TOP1: variants seen among roughly 807,000 people sequenced by gnomAD.
TOP1 encodes the protein DNA topoisomerase 1.
In TOP1, 10 loss-of-function variants were observed where a neutral mutation model predicts 111.1. The ratio of observed to expected loss-of-function variants is 0.09; its 90% confidence interval spans 0.06 to 0.15. TOP1 has a LOEUF of 0.15. TOP1 is among the 10% of genes least tolerant of loss of function. The probability of loss-of-function intolerance (pLI) is 1.00; values close to 1 mark genes in which losing one functional copy is unlikely to be tolerated. For synonymous variants in TOP1, 271 were observed against 302.9 expected, an observed-to-expected ratio of 0.89 and a Z score of 1.10; for missense variants, 474 against 926.7, an observed-to-expected ratio of 0.51 and a Z score of 6.34.
At position 41,092,625 on chromosome 20, in the gene TOP1, A is replaced by G. The variant is rs746412736; in HGVS notation, c.730+38A>G. The G allele has an allele frequency of 2.0e-6, 2 of 1,000,032 alleles. No individual in the cohort carries two copies. Among genetic ancestry groups the G allele is most frequent in the East Asian group, 2.4e-5 (1 of 41,132 alleles). The allele number at this position is 1,000,032 out of a possible 1,614,324, so 61.9% of individuals were successfully genotyped here. On this transcript the variant is annotated intron_variant, in intron 9 of 20. Coordinates refer to ENST00000361337, the MANE Select transcript of TOP1 (RefSeq NM_003286.4). The surrounding 1 kb of genome is among the most constrained non-coding windows in gnomAD (Gnocchi z 4.3). ...AAGGTTCTTGATTCTTGGCCAGGAA[A>G]AGAAATCTGCTTCTATTTAGGGATA...
In TOP1 at chr20:41,121,602, A is replaced by G; in HGVS notation, c.1951-94A>G. ...TTTATCTGACAAACCACTGACAGAG[A>G]CAGCCTGGTCCAGATAACATCTTGG... On this transcript the variant is annotated intron_variant, in intron 18 of 20. Coordinates refer to ENST00000361337, the MANE Select transcript of TOP1 (RefSeq NM_003286.4). The surrounding 1 kb of genome is among the most constrained non-coding windows in gnomAD (Gnocchi z 4.2). The G allele has an allele frequency of 1.1e-6, 1 of 951,354 alleles. No homozygotes were observed. Among genetic ancestry groups the G allele is most frequent in the Non-Finnish European group, 1.7e-6 (1 of 589,048 alleles). The allele number at this position is 951,354 out of a possible 1,614,324, so 58.9% of individuals were successfully genotyped here. A position where few individuals can be genotyped will look rare whatever the true frequency, so the allele number is the denominator to read the frequency against.
chr20:41,066,178 G>T (rs562786037), intron 3 of TOP1, among the ~76,000 whole-genome samples: 85 of 151,642 alleles, frequency 5.6e-4, no homozygotes, highest in African/African-American at 2.0e-3. Flanking sequence ...TGGGAGGAAA[G>T]ATACAGTAAA....
chr20:41,044,014 C>G (rs530323072), intron 2 of TOP1, among the ~76,000 whole-genome samples: 1 of 152,192 alleles, frequency 6.6e-6, no homozygotes, highest in African/African-American at 2.4e-5. Context: ...TGGTGGCTCA[C>G]GCCTGTAATC....
chr20:41,034,871 T>C lies in TOP1; in HGVS notation c.58+5416T>C, dbSNP rs2033164980. Among the ~76,000 whole-genome samples the C allele has an allele frequency of 6.6e-6, 1 of 152,162 alleles. No individual in the cohort carries two copies. Among genetic ancestry groups the C allele is most frequent in the African/African-American group, 2.4e-5 (1 of 41,446 alleles). On this transcript the variant is annotated intron_variant, in intron 2 of 20. Transcript: ENST00000361337. This position sits in a 1 kb window ranked among gnomAD's most constrained non-coding sequence, Gnocchi z 4.0. ...AAGGTAGGCAACTTTTAATTTTAAC[T>C]TCTTTCCTTTACTTTTTTTTTGGGC...
At position 41,071,559 on chromosome 20, in the gene TOP1, G is replaced by C. The variant is rs934227794; in HGVS notation, c.156-4612G>C. Among the ~76,000 whole-genome samples, 1 of 151,788 alleles carries C rather than the reference G, an allele frequency of 6.6e-6. No homozygotes were observed. Among genetic ancestry groups the C allele is most frequent in the Non-Finnish European group, 1.5e-5 (1 of 67,954 alleles). ...GGGGTTTCACTGTGTTGCCCAGGCT[G>C]GTCTCGAACTCCTGACCTCAGGTGA... On this transcript the variant is annotated intron_variant, in intron 3 of 20. Coordinates refer to ENST00000361337, the MANE Select transcript of TOP1 (RefSeq NM_003286.4). This position sits in a 1 kb window ranked among gnomAD's most constrained non-coding sequence, Gnocchi z 4.3.
At position 41,071,351 on chromosome 20, in the gene TOP1, T is replaced by A. The variant is rs1280032807; in HGVS notation, c.156-4820T>A. 5.5e-5 allele frequency among the ~76,000 whole-genome samples: 8 copies of A among 144,168 alleles called. No individual in the cohort carries two copies. In the East Asian group the frequency reaches 6.0e-4, roughly 11 times the overall value. The allele number at this position is 144,168 out of a possible 152,430, so 94.6% of individuals were successfully genotyped here. On this transcript the variant is annotated intron_variant, in intron 3 of 20. Coordinates refer to ENST00000361337, the MANE Select transcript of TOP1 (RefSeq NM_003286.4). The surrounding 1 kb of genome is among the most constrained non-coding windows in gnomAD (Gnocchi z 4.3). ...TATTTTTTTCTTTCCTTTTTTTAAA[T>A]TTTTTTTTTTTTGAGATGGAGCCTC...
intron 4 of TOP1, among the ~76,000 whole-genome samples, chr20:41,077,117 A>G (rs1040990502): frequency 6.6e-6 from 1 of 152,186 alleles, no homozygotes; most frequent in Non-Finnish European, 1.5e-5. Flanking sequence ...TGGGGGTCTC[A>G]CTGTGTTGGC....
intron 2 of TOP1, among the ~76,000 whole-genome samples, chr20:41,043,678 G>A (rs1238023480): frequency 6.6e-6 from 1 of 152,220 alleles, no homozygotes; most frequent in Admixed American, 6.5e-5. Context: ...TATGGTCTTA[G>A]TGTGTTTGGA....
intron 9 of TOP1, among the ~76,000 whole-genome samples, chr20:41,096,807 T>TC (rs2033989405): frequency 6.6e-6 from 1 of 152,142 alleles, no homozygotes; most frequent in Non-Finnish European, 1.5e-5. Context: ...CCCTATCCCT[T>TC]CCTCCCCTTC....
intron 8 of TOP1, among the ~76,000 whole-genome samples, chr20:41,089,678 T>A (rs2033895019): frequency 6.6e-6 from 1 of 152,238 alleles, no homozygotes; most frequent in South Asian, 2.1e-4. Context: ...CTGGGTCATG[T>A]GGCATTTCTG....
Position 41,029,127 on chromosome 20 carries a change from C to T in TOP1, c.33+27C>T. 1 of 1,471,664 alleles carries T rather than the reference C, an allele frequency of 6.8e-7. No homozygotes were observed. 91.2% of individuals were successfully genotyped at this position (1,471,664 alleles called of 1,614,324 possible). A position where few individuals can be genotyped will look rare whatever the true frequency, so the allele number is the denominator to read the frequency against. On this transcript the variant is annotated intron_variant, in intron 1 of 20. Coordinates refer to ENST00000361337, the MANE Select transcript of TOP1 (RefSeq NM_003286.4). This position sits in a 1 kb window ranked among gnomAD's most constrained non-coding sequence, Gnocchi z 6.1. ...TACGGCCCGGCCTGACCCTGGCGGC[C>T]CCGGACCCCGGCCTGGCCGTCCCGC...
intron 3 of TOP1, among the ~76,000 whole-genome samples, chr20:41,068,951 A>G (rs977642698): frequency 6.6e-6 from 1 of 152,234 alleles, no homozygotes; most frequent in Non-Finnish European, 1.5e-5. Flanking sequence ...ATCTCTTGCC[A>G]ATTTTAAACC....
chr20:41,109,952 G>A lies in TOP1; in HGVS notation c.1309-2830G>A, dbSNP rs1291436859. The stretch of plus-strand genomic sequence containing the variant: ...ACTATATTTATCAGCAGTTAAGAAG[G>A]GAACTACTTATGTATTCAACAACAT... On this transcript the variant is annotated intron_variant, in intron 13 of 20. Transcript: ENST00000361337. This position sits in a 1 kb window ranked among gnomAD's most constrained non-coding sequence, Gnocchi z 4.1. Among the ~76,000 whole-genome samples, 1 of 152,168 alleles carries A rather than the reference G, an allele frequency of 6.6e-6. No homozygotes were observed. The highest frequency in any genetic ancestry group is 2.4e-5 in the African/African-American group (1 of 41,426).
Position 41,060,114 on chromosome 20 carries a change from A to G in TOP1, c.59-1280A>G, listed in dbSNP as rs575584937. ...ATGGTACAATTTGGCAATTTCCTGT[A>G]AAGTTAAACATACATTTTTTATATT... is the stretch of plus-strand genomic sequence containing the variant. On this transcript the variant is annotated intron_variant, in intron 2 of 20. Transcript: ENST00000361337. 7.4e-4 allele frequency among the ~76,000 whole-genome samples: 113 copies of G among 152,388 alleles called. 2 individuals are homozygous for G. Among genetic ancestry groups the G allele is most frequent in the African/African-American group, 2.7e-3 (111 of 41,588 alleles).
rs140267743 is a variant in TOP1 at position 41,094,128 on chromosome 20, G to A, written c.730+1541G>A. On this transcript the variant is annotated intron_variant, in intron 9 of 20. Transcript: ENST00000361337. This position sits in a 1 kb window ranked among gnomAD's most constrained non-coding sequence, Gnocchi z 4.4. ...TGTGGTCAGACACCAAGACCCAGCA[G>A]TGGATAGTACTACTGACTTAGACCC... Among the ~76,000 whole-genome samples the A allele has an allele frequency of 3.4e-3, 525 of 152,264 alleles. 13 individuals are homozygous for A. The East Asian group carries it at 0.057, about 17-fold the overall frequency.
rs1041281734 is a variant in TOP1 at position 41,101,772 on chromosome 20, T to C, written c.1308+419T>C. 6.6e-6 allele frequency among the ~76,000 whole-genome samples: 1 copy of C among 152,254 alleles called. No individual in the cohort carries two copies. The highest frequency in any genetic ancestry group is 1.5e-5 in the Non-Finnish European group (1 of 68,050). On this transcript the variant is annotated intron_variant, in intron 13 of 20. Transcript: ENST00000361337. This position sits in a 1 kb window ranked among gnomAD's most constrained non-coding sequence, Gnocchi z 4.1. ...TTGGTTATGAGAAGGGAATGTAGTT[T>C]CTGTATATCCTGAAACAAGTTGTAA...
At position 41,100,031 on chromosome 20, in the gene TOP1, T is replaced by C; in HGVS notation, c.976-25T>C. On this transcript the variant is annotated intron_variant, in intron 11 of 20. Coordinates refer to ENST00000361337, the MANE Select transcript of TOP1 (RefSeq NM_003286.4). The surrounding 1 kb of genome is among the most constrained non-coding windows in gnomAD (Gnocchi z 4.4). ...AGAGAACAGCAATCTGAATCTATTT[T>C]GAGTACTTTCTTGCTGTCTTCCAGA... The C allele has an allele frequency of 6.5e-7, 1 of 1,550,212 alleles. No individual in the cohort carries two copies. Among genetic ancestry groups the C allele is most frequent in the Non-Finnish European group, 8.9e-7 (1 of 1,128,052 alleles).
In TOP1 at chr20:41,029,502, C is replaced by T; in HGVS notation, c.58+47C>T. The T allele has an allele frequency of 6.7e-7, 1 of 1,486,288 alleles. No individual in the cohort carries two copies. The highest frequency in any genetic ancestry group is 9.1e-7 in the Non-Finnish European group (1 of 1,093,330). 92.1% of individuals were successfully genotyped at this position (1,486,288 alleles called of 1,614,324 possible). A position where few individuals can be genotyped will look rare whatever the true frequency, so the allele number is the denominator to read the frequency against. Reference sequence around the variant, plus strand: ...ACTCCGGGGCCCCCCAGCCGCCGGCCGCCTCCCCCGCGCCCTGCCGGTGCC... The same window carrying T: ...ACTCCGGGGCCCCCCAGCCGCCGGCTGCCTCCCCCGCGCCCTGCCGGTGCC... On this transcript the variant is annotated intron_variant, in intron 2 of 20. Coordinates refer to ENST00000361337, the MANE Select transcript of TOP1 (RefSeq NM_003286.4). The surrounding 1 kb of genome is among the most constrained non-coding windows in gnomAD (Gnocchi z 6.1).
At chr20:41,096,414 A>T (rs2033983538) in intron 9 of TOP1, among the ~76,000 whole-genome samples, 1 of 152,244 alleles carries the variant, frequency 6.6e-6, no homozygotes, top group African/African-American at 2.4e-5. Context: ...CAGGAACCCC[A>T]GTCATCCCTT....
Sources: gnomAD v4.1 joint callset for allele counts (sites outside exome capture counted in the v4.1 genomes callset) on GRCh38, gnomAD v4.1.1 for gene constraint, Gnocchi (gnomAD v3.1) non-coding constraint, MANE v1.5 for transcripts, NCBI Gene and HGNC (gene_info 2026-07-23, HGNC 2026-07-21) for gene names.